GDPD5: variants seen among roughly 807,000 people sequenced by gnomAD.
The protein encoded by GDPD5 is glycerophosphodiester phosphodiesterase domain containing 5, also known as glycerophosphodiester phosphodiesterase 2.
GDPD5 carries 48 observed loss-of-function variants against 75.1 expected under a neutral mutation model. The ratio of observed to expected loss-of-function variants is 0.64; its 90% CI spans 0.51 to 0.81. The LOEUF is 0.81. Among genes scored for constraint, GDPD5 ranks in the 40% least tolerant of loss-of-function variants. The probability of loss-of-function intolerance (pLI) is 0.00; values close to 1 mark genes in which losing one functional copy is unlikely to be tolerated. For missense variants in GDPD5, 706 were observed against 822.6 expected, an observed-to-expected ratio of 0.86 and a Z score of 1.73; for synonymous variants, 336 against 339.0, an observed-to-expected ratio of 0.99 and a Z score of 0.10.
intron 14 of GDPD5, 71 bp from the exon 15 acceptor site, chr11:75,440,032 C>CTTTG: frequency 1.6e-6 from 2 of 1,248,070 alleles, no homozygotes; most frequent in Non-Finnish European, 2.3e-6. Context: ...ACTGAGGGTC[C>CTTTG]GTGGACCAAA....
chr11:75,449,625 AG>A lies in GDPD5; in HGVS notation c.475-16del. Reference sequence around the variant, plus strand: ...GGCGCTGTGCCCTGTTTGCAGGGAGAGGGAAGGGAGACCAGTAACGCCCAGC... The same window carrying A: ...GGCGCTGTGCCCTGTTTGCAGGGAGAGGAAGGGAGACCAGTAACGCCCAGC... On this transcript the variant is annotated splice_polypyrimidine_tract_variant and intron_variant, in intron 7 of 16. Coordinates refer to ENST00000336898, the MANE Select transcript of GDPD5 (RefSeq NM_030792.8). 1 of 1,564,794 alleles carries A rather than the reference AG, an allele frequency of 6.4e-7. No individual in the cohort carries two copies. The highest frequency in any genetic ancestry group is 8.7e-7 in the Non-Finnish European group (1 of 1,154,072).
chr11:75,458,677 TAAA>T (rs953824924), intron 4 of GDPD5, among the ~76,000 whole-genome samples: 3 of 145,818 alleles, frequency 2.1e-5, no homozygotes, highest in African/African-American at 8.2e-5. Flanking sequence ...GTCTCAAAAA[TAAA>T]TAAATAAATA....
intron 15 of GDPD5, chr11:75,439,220 T>C: frequency 4.9e-6 from 2 of 412,288 alleles, no homozygotes; most frequent in South Asian, 1.7e-5. Flanking sequence ...GAGCGCGCTG[T>C]CTGCGAGGTG....
At chr11:75,448,600 C>T in intron 9 of GDPD5, 1 of 1,016,770 alleles carries the variant, frequency 9.8e-7, no homozygotes, top group Non-Finnish European at 1.2e-6. Context: ...CTCACTGTCA[C>T]AGTGGGCTCT....
At chr11:75,438,551 C>T (rs1006819311) in intron 15 of GDPD5, 4 of 152,302 alleles carry the variant, frequency 2.6e-5, no homozygotes, top group Admixed American at 6.5e-5. Flanking sequence ...ACAGGAATGA[C>T]TCAAGGAATG....
intron 9 of GDPD5, among the ~76,000 whole-genome samples, chr11:75,445,988 T>C (rs1234168213): frequency 6.6e-6 from 1 of 152,262 alleles, no homozygotes; most frequent in Admixed American, 6.5e-5. Context: ...ACATGTTACC[T>C]GTCTCCCAGT....
At chr11:75,447,970 G>T (rs745731455) in intron 9 of GDPD5, among the ~76,000 whole-genome samples, 18 of 152,186 alleles carry the variant, frequency 1.2e-4, no homozygotes, top group Non-Finnish European at 2.5e-4. Flanking sequence ...TGGCTCAGGG[G>T]CTGGAGTCTT....
At chr11:75,458,646 T>C (rs907232794) in intron 4 of GDPD5, among the ~76,000 whole-genome samples, 2 of 149,778 alleles carry the variant, frequency 1.3e-5, no homozygotes, top group Non-Finnish European at 1.5e-5. Flanking sequence ...CACTCCAGCC[T>C]GGGCGACAGT....
chr11:75,488,776 T>C (rs1344743134), intron 2 of GDPD5, among the ~76,000 whole-genome samples: 2 of 152,236 alleles, frequency 1.3e-5, no homozygotes, highest in South Asian at 2.1e-4. Flanking sequence ...CTCCTGAGAA[T>C]GATCACAGGC....
At chr11:75,473,796 C>T (rs1299651757) in intron 3 of GDPD5, among the ~76,000 whole-genome samples, 3 of 152,188 alleles carry the variant, frequency 2.0e-5, no homozygotes, top group South Asian at 2.1e-4. Flanking sequence ...CTGAACACTT[C>T]CCTGGTCTGT....
chr11:75,494,401 G>T (rs1950174675), intron 1 of GDPD5, among the ~76,000 whole-genome samples: 1 of 151,878 alleles, frequency 6.6e-6, no homozygotes, highest in Non-Finnish European at 1.5e-5. Context: ...ATTTTTAGAA[G>T]AGATGGGCTT....
chr11:75,502,872 C>T (rs1230240200), intron 1 of GDPD5, among the ~76,000 whole-genome samples: 5 of 152,196 alleles, frequency 3.3e-5, no homozygotes, highest in Non-Finnish European at 7.3e-5. Context: ...GTGAGAGAAG[C>T]TGGGCAAACC....
At chr11:75,457,626 C>T (rs1949311796) in intron 5 of GDPD5, 67 bp downstream of exon 5, 2 of 1,348,994 alleles carry the variant, frequency 1.5e-6, no homozygotes, top group African/African-American at 1.4e-5. Context: ...TCCATCAGCC[C>T]AGCACAGGGC....
At chr11:75,473,204 TATCTC>T (rs1301989343) in intron 3 of GDPD5, among the ~76,000 whole-genome samples, 1 of 151,996 alleles carries the variant, frequency 6.6e-6, no homozygotes, top group Non-Finnish European at 1.5e-5. Flanking sequence ...GCTCTCATCA[TATCTC>T]ATCATAGAAG....
chr11:75,454,997 G>T (rs1393626244), intron 6 of GDPD5, among the ~76,000 whole-genome samples: 1 of 152,192 alleles, frequency 6.6e-6, no homozygotes, highest in African/African-American at 2.4e-5. Flanking sequence ...CTCCTGGTGG[G>T]GCGGGTCGAG....
chr11:75,497,832 G>C (rs1950238739), intron 1 of GDPD5, among the ~76,000 whole-genome samples: 1 of 152,176 alleles, frequency 6.6e-6, no homozygotes, highest in Non-Finnish European at 1.5e-5. Flanking sequence ...CCGGCCATGG[G>C]GCTGGGAGCA....
At position 75,509,598 on chromosome 11, in the gene GDPD5, G is replaced by A. The variant is rs189968378; in HGVS notation, c.-145+15612C>T. 3.0e-3 allele frequency among the ~76,000 whole-genome samples: 459 copies of A among 152,320 alleles called. 1 individual carries two copies. The highest frequency in any genetic ancestry group is 0.01 in the African/African-American group (422 of 41,554). On this transcript the variant is annotated intron_variant, in intron 1 of 16. Coordinates refer to ENST00000336898, the MANE Select transcript of GDPD5 (RefSeq NM_030792.8). ...ATAATCCATGTTCAAACTTTATCTC[G>A]TTGAACCTTCATAAAAGTCCAGTGT... is the stretch of plus-strand genomic sequence containing the variant.
chr11:75,441,774 G>A lies in GDPD5; in HGVS notation c.1197C>T (p.Pro399=), dbSNP rs569060196. The A allele has an allele frequency of 8.1e-6, 13 of 1,610,642 alleles. No individual in the cohort carries two copies. The highest frequency in any genetic ancestry group is 1.1e-5 in the South Asian group (1 of 91,052). The part of the protein sequence containing the change: ...QVMWLPSRQR[P]LVRKVAPGFQ... ...AGCCGGGAGCCACCTTCCGCACCAG[G>A]GGCCTCTGCCTGCTAGGCAGCCACA... The change falls in exon 13 of 17, where the codon CCC becomes CCT. Residue 399 remains proline (P), a synonymous_variant. Coordinates refer to ENST00000336898, the MANE Select transcript of GDPD5 (RefSeq NM_030792.8).
intron 1 of GDPD5, among the ~76,000 whole-genome samples, chr11:75,493,915 C>T (rs1950160535): frequency 1.3e-5 from 2 of 152,096 alleles, no homozygotes; most frequent in South Asian, 2.1e-4. Context: ...GAACATCTTA[C>T]AACATTCTGC....
Sources: gnomAD v4.1 joint callset for allele counts (sites outside exome capture counted in the v4.1 genomes callset) on GRCh38, gnomAD v4.1.1 for gene constraint, MANE v1.5 for transcripts, NCBI Gene and HGNC (gene_info 2026-07-23, HGNC 2026-07-21) for gene names.